GRM3: variants seen among roughly 807,000 people sequenced by gnomAD.
GRM3 encodes glutamate metabotropic receptor 3, also known as metabotropic glutamate receptor 3.
GRM3 carries 26 observed loss-of-function variants against 70.5 expected under a neutral mutation model. That is an observed-to-expected ratio of 0.37 (90% CI 0.27 to 0.51). GRM3 has a LOEUF of 0.51. Among genes scored for constraint, GRM3 ranks in the 20% least tolerant of loss-of-function variants. The probability of loss-of-function intolerance (pLI) is 0.93; values close to 1 mark genes in which losing one functional copy is unlikely to be tolerated. For synonymous variants in GRM3, 443 were observed against 434.9 expected (o/e 1.02, Z -0.23); for missense variants, 859 against 1,123.8 (o/e 0.76, Z 3.37).
At chr7:86,849,122 C>G (rs1267711669) in intron 4 of GRM3, among the ~76,000 whole-genome samples, 1 of 152,158 alleles carries the variant, frequency 6.6e-6, no homozygotes, top group Admixed American at 6.6e-5. Context: ...ATCCTTCACA[C>G]TGGCTTCAGA....
chr7:86,746,309 C>A (rs1796099819), intron 1 of GRM3, among the ~76,000 whole-genome samples: 1 of 128,808 alleles, frequency 7.8e-6, no homozygotes, highest in African/African-American at 3.0e-5. Context: ...AAACAAAACT[C>A]AATATATGAC....
chr7:86,699,792 G>A (rs568971173), intron 1 of GRM3, among the ~76,000 whole-genome samples: 9 of 152,064 alleles, frequency 5.9e-5, no homozygotes, highest in Non-Finnish European at 1.3e-4. Flanking sequence ...AAAGTTATGC[G>A]TCACCAGATG....
At chr7:86,779,758 C>A (rs1217677724) in intron 2 of GRM3, among the ~76,000 whole-genome samples, 1 of 152,066 alleles carries the variant, frequency 6.6e-6, no homozygotes, top group Non-Finnish European at 1.5e-5. Flanking sequence ...GCTGAGCAGA[C>A]AAGTGGTAAA....
In GRM3 at chr7:86,842,412, C is replaced by T. The variant is rs923643636; in HGVS notation, c.2391+2507C>T. On this transcript the variant is annotated intron_variant, in intron 4 of 5. Coordinates refer to ENST00000361669, the MANE Select transcript of GRM3 (RefSeq NM_000840.3). ...AGCTGGACCTGAGTAGTGCTCACCC[C>T]TGAAGACAGAGCACTCTTATTCCTG... is the stretch of plus-strand genomic sequence containing the variant. 3.3e-5 allele frequency among the ~76,000 whole-genome samples: 5 copies of T among 152,178 alleles called. No homozygotes were observed. The South Asian group carries it at 1.0e-3, about 32-fold the overall frequency.
chr7:86,696,466 T>C lies in GRM3; in HGVS notation c.-141+51594T>C, dbSNP rs150115671. ...CCCTTACAGCCTCCAAAAAAGAGGATAGCCCTGCTGACACTGGTTTTAGCC... is the reference window on the plus strand; with the variant it reads ...CCCTTACAGCCTCCAAAAAAGAGGACAGCCCTGCTGACACTGGTTTTAGCC... On this transcript the variant is annotated intron_variant, in intron 1 of 5. Coordinates refer to ENST00000361669, the MANE Select transcript of GRM3 (RefSeq NM_000840.3). Among the ~76,000 whole-genome samples the C allele has an allele frequency of 1.6e-3, 237 of 152,294 alleles. 2 individuals carry two copies. Among genetic ancestry groups the C allele is most frequent in the African/African-American group, 5.4e-3 (223 of 41,574 alleles).
chr7:86,723,191 A>G (rs1444398659), intron 1 of GRM3, among the ~76,000 whole-genome samples: 3 of 152,054 alleles, frequency 2.0e-5, no homozygotes, highest in East Asian at 3.9e-4. Context: ...GCAGAACCCT[A>G]TGAAAAATAA....
chr7:86,724,451 C>T (rs576103845), intron 1 of GRM3, among the ~76,000 whole-genome samples: 1 of 152,088 alleles, frequency 6.6e-6, no homozygotes, highest in Non-Finnish European at 1.5e-5. Context: ...ATTGAAGACT[C>T]AATTTCCATA....
chr7:86,798,079 G>T (rs1056136237), intron 3 of GRM3, among the ~76,000 whole-genome samples: 1 of 152,232 alleles, frequency 6.6e-6, no homozygotes, highest in Non-Finnish European at 1.5e-5. Context: ...TCCAGGGAGA[G>T]GTGTGCTGCA....
At chr7:86,714,079 C>T (rs1450809572) in intron 1 of GRM3, among the ~76,000 whole-genome samples, 2 of 152,024 alleles carry the variant, frequency 1.3e-5, no homozygotes, top group Non-Finnish European at 2.9e-5. Flanking sequence ...GGCACATCCA[C>T]ACACCAGTCT....
Position 86,786,611 on chromosome 7 carries a change from C to A in GRM3, c.819C>A (p.Val273=). The A allele has an allele frequency of 1.2e-6, 2 of 1,613,334 alleles. No individual in the cohort carries two copies. Among genetic ancestry groups the A allele is most frequent in the Non-Finnish European group, 1.7e-6 (2 of 1,180,014 alleles). The stretch of plus-strand genomic sequence containing the variant: ...AGAAGCCCAACGCGCGCGTCGTGGT[C>A]CTCTTCATGCGCAGCGACGACTCGC... The part of the protein sequence containing the change: ...LLQKPNARVV[V]LFMRSDDSRE... Residue 273 remains valine, a synonymous_variant, in exon 3 of 6, where the codon GTC becomes GTA. Transcript: ENST00000361669. This position sits in a 1 kb window ranked among gnomAD's most constrained non-coding sequence, Gnocchi z 6.0.
intron 1 of GRM3, among the ~76,000 whole-genome samples, chr7:86,668,193 G>A (rs1055489574): frequency 2.0e-5 from 3 of 151,968 alleles, no homozygotes; most frequent in African/African-American, 7.3e-5. Context: ...ATAATATACT[G>A]TTTCAGATAT....
At chr7:86,688,080 A>G (rs1794607766) in intron 1 of GRM3, among the ~76,000 whole-genome samples, 1 of 151,716 alleles carries the variant, frequency 6.6e-6, no homozygotes, top group Admixed American at 6.6e-5. Flanking sequence ...AAAAATCTGC[A>G]TTTCACTCTG....
rs140074625 is a variant in GRM3, at chr7:86,800,100, A to G, written c.1324+12984A>G. Among the ~76,000 whole-genome samples the G allele has an allele frequency of 4.8e-3, 737 of 152,326 alleles. 5 individuals are homozygous for G. Among genetic ancestry groups the G allele is most frequent in the African/African-American group, 0.017 (700 of 41,562 alleles). Reference sequence around the variant, plus strand: ...AAAGTTCTTTGAAACCAATGAGAAAAAAGAGACAATGTACCAGAATCTCTG... The same window carrying G: ...AAAGTTCTTTGAAACCAATGAGAAAGAAGAGACAATGTACCAGAATCTCTG... On this transcript the variant is annotated intron_variant, in intron 3 of 5. Coordinates refer to ENST00000361669, the MANE Select transcript of GRM3 (RefSeq NM_000840.3).
In GRM3 at chr7:86,644,779, A is replaced by G. The variant is rs1167152461; in HGVS notation, c.-234A>G. The G allele has an allele frequency of 4.7e-6, 6 of 1,288,550 alleles. No homozygotes were observed. In the Admixed American group the frequency reaches 1.4e-4, roughly 30 times the overall value. The allele number at this position is 1,288,550 out of a possible 1,614,324, so 79.8% of individuals were successfully genotyped here. ...GCTACCTCTTTTGTGTCGGATGAGG[A>G]GGACCAACCATGAGCCAGAGCCCGG... On this transcript the variant is annotated 5_prime_UTR_variant, in exon 1 of 6. Transcript: ENST00000361669.
chr7:86,747,260 T>C (rs1484004357), intron 1 of GRM3, among the ~76,000 whole-genome samples: 1 of 152,086 alleles, frequency 6.6e-6, no homozygotes, highest in East Asian at 1.9e-4. Context: ...TTTCTCTTCA[T>C]TACAGTTTCT....
intron 1 of GRM3, among the ~76,000 whole-genome samples, chr7:86,709,900 A>G (rs1795152672): frequency 6.6e-6 from 1 of 152,150 alleles, no homozygotes; most frequent in African/African-American, 2.4e-5. Context: ...TTATCTTTGG[A>G]TGACTTTAAG....
At chr7:86,711,087 T>C (rs575243698) in intron 1 of GRM3, among the ~76,000 whole-genome samples, 1 of 152,212 alleles carries the variant, frequency 6.6e-6, no homozygotes, top group Non-Finnish European at 1.5e-5. Context: ...AGCCCCACTT[T>C]CCTCATCTAT....
At chr7:86,800,290 G>A (rs577764930) in intron 3 of GRM3, among the ~76,000 whole-genome samples, 74 of 152,172 alleles carry the variant, frequency 4.9e-4, no homozygotes, top group African/African-American at 1.4e-3. Flanking sequence ...AACCAAGATC[G>A]GAGAGGAACT....
intron 5 of GRM3, among the ~76,000 whole-genome samples, chr7:86,856,164 C>G (rs944038916): frequency 3.3e-5 from 5 of 152,126 alleles, no homozygotes; most frequent in Non-Finnish European, 7.4e-5. Context: ...AGAAAAGAGG[C>G]CAGTCACAGT....
Sources: gnomAD v4.1 joint callset for allele counts (sites outside exome capture counted in the v4.1 genomes callset) on GRCh38, gnomAD v4.1.1 for gene constraint, Gnocchi (gnomAD v3.1) non-coding constraint, MANE v1.5 for transcripts, NCBI Gene and HGNC (gene_info 2026-07-23, HGNC 2026-07-21) for gene names.